The following TMEM127 variants were observed in gnomAD, a reference collection of about 807,000 sequenced individuals.
The protein encoded by TMEM127 is transmembrane protein 127.
TMEM127 carries 21 observed loss-of-function variants against 20.1 expected under a neutral mutation model. That is an observed-to-expected ratio of 1.04 (90% CI 0.74 to 1.50). TMEM127 has a LOEUF of 1.50. Among genes scored for constraint, TMEM127 ranks in the 40% most tolerant of loss-of-function variants. The pLI, the probability that TMEM127 is intolerant of heterozygous loss-of-function variation, is 0.00. For missense variants in TMEM127, 303 were observed against 317.4 expected (o/e 0.95, Z 0.34); for synonymous variants, 150 against 144.7 (o/e 1.04, Z -0.26).
chr2:96,255,088 A>G (rs1558752680), intron 2 of TMEM127, 91 bp from the exon 3 acceptor site: 1 of 1,546,174 alleles, frequency 6.5e-7, no homozygotes, highest in East Asian at 2.4e-5. Context: ...CCTCCACCAC[A>G]GTCCTGGGAG....
intron 2 of TMEM127, among the ~76,000 whole-genome samples, chr2:96,260,127 T>C (rs1684285958): frequency 1.3e-5 from 2 of 152,216 alleles, no homozygotes; most frequent in African/African-American, 4.8e-5. Flanking sequence ...AAATATGAAA[T>C]TCCCTTTGGG....
chr2:96,257,719 G>C (rs941006998), intron 2 of TMEM127, among the ~76,000 whole-genome samples: 3 of 152,142 alleles, frequency 2.0e-5, no homozygotes, highest in Non-Finnish European at 4.4e-5. Context: ...TTTGAGACCA[G>C]CCTGACCAAT....
Position 96,249,523 on chromosome 2 carries a change from G to A in TMEM127, c.*4285C>T, listed in dbSNP as rs976022693. The A allele has an allele frequency of 1.8e-5, 4 of 228,354 alleles. No homozygotes were observed. The highest frequency in any genetic ancestry group is 8.9e-5 in the African/African-American group (4 of 45,078). The allele number at this position is 228,354 out of a possible 1,614,324, so 14.1% of individuals were successfully genotyped here. On this transcript the variant is annotated 3_prime_UTR_variant, in exon 4 of 4. Transcript: ENST00000258439. ...CCTGTAATCCCAACCCTTTGGGAAG[G>A]GAGGCAGAAGGATTGCCTGAAGCCA...
rs1684113660 is a variant in TMEM127 at position 96,252,486 on chromosome 2, C to T, written c.*1322G>A. 1 of 233,858 alleles carries T rather than the reference C, an allele frequency of 4.3e-6. No individual in the cohort carries two copies. Among genetic ancestry groups the T allele is most frequent in the East Asian group, 6.0e-5 (1 of 16,594 alleles). 14.5% of individuals were successfully genotyped at this position (233,858 alleles called of 1,614,324 possible). On this transcript the variant is annotated 3_prime_UTR_variant, in exon 4 of 4. Coordinates refer to ENST00000258439, the MANE Select transcript of TMEM127 (RefSeq NM_017849.4). This position sits in a 1 kb window ranked among gnomAD's most constrained non-coding sequence, Gnocchi z 4.2. Reference sequence around the variant, plus strand: ...GCCAGACCCAGAGCAAACAAGGTGACCAGAGTGATGGCTGAGCAAGAAAGT... The same window carrying T: ...GCCAGACCCAGAGCAAACAAGGTGATCAGAGTGATGGCTGAGCAAGAAAGT...
rs61096003 is a variant in TMEM127 at position 96,257,322 on chromosome 2, C to T, written c.245-2325G>A. ...ACTAAAAATACAAAAATTAGCCGGCCGTGGTGGCGCGCGCCTGTAGTCCCA... is the reference window on the plus strand; with the variant it reads ...ACTAAAAATACAAAAATTAGCCGGCTGTGGTGGCGCGCGCCTGTAGTCCCA... On this transcript the variant is annotated intron_variant, in intron 2 of 3. Transcript: ENST00000258439. Among the ~76,000 whole-genome samples the T allele has an allele frequency of 1.9e-3, 291 of 151,884 alleles. 5 individuals carry two copies. The East Asian group carries it at 0.035, about 18-fold the overall frequency.
Position 96,249,202 on chromosome 2 carries a change from A to G in TMEM127, c.*4606T>C. 1 of 210,278 alleles carries G rather than the reference A, an allele frequency of 4.8e-6. No homozygotes were observed. The highest frequency in any genetic ancestry group is 9.6e-6 in the Non-Finnish European group (1 of 103,722). 13.0% of individuals were successfully genotyped at this position (210,278 alleles called of 1,614,324 possible). A position where few individuals can be genotyped will look rare whatever the true frequency, so the allele number is the denominator to read the frequency against. ...AACCTCTGCCTCCCGGGTTCAAGTG[A>G]TTCTCCTGCCTCAGCCTCCCGAGTA... On this transcript the variant is annotated 3_prime_UTR_variant, in exon 4 of 4. Coordinates refer to ENST00000258439, the MANE Select transcript of TMEM127 (RefSeq NM_017849.4).
chr2:96,257,199 C>T (rs374271555), intron 2 of TMEM127, among the ~76,000 whole-genome samples: 35 of 152,328 alleles, frequency 2.3e-4, no homozygotes, highest in East Asian at 1.2e-3. Flanking sequence ...CAGTGGCTCA[C>T]GCCTATAATC....
rs2104308876 is a variant in TMEM127, at chr2:96,265,423, G to A, written c.-42C>T. 7.6e-7 allele frequency: 1 copy of A among 1,322,836 alleles called. No individual in the cohort carries two copies. Among genetic ancestry groups the A allele is most frequent in the Non-Finnish European group, 9.6e-7 (1 of 1,042,832 alleles). The allele number at this position is 1,322,836 out of a possible 1,614,324, so 81.9% of individuals were successfully genotyped here. ...CGTCGCTCCGCAGTCGCTGCTGGTC[G>A]CCGCCGACCTCCGCGGGGCGCGCAG... On this transcript the variant is annotated 5_prime_UTR_variant, in exon 2 of 4. Transcript: ENST00000258439.
Position 96,253,609 on chromosome 2 carries a change from T to C in TMEM127, c.*199A>G, listed in dbSNP as rs988751824. 1.6e-6 allele frequency: 1 copy of C among 614,372 alleles called. No individual in the cohort carries two copies. The highest frequency in any genetic ancestry group is 2.8e-6 in the Non-Finnish European group (1 of 353,650). The allele number at this position is 614,372 out of a possible 1,614,324, so 38.1% of individuals were successfully genotyped here. On this transcript the variant is annotated 3_prime_UTR_variant, in exon 4 of 4. Coordinates refer to ENST00000258439, the MANE Select transcript of TMEM127 (RefSeq NM_017849.4). The surrounding 1 kb of genome is among the most constrained non-coding windows in gnomAD (Gnocchi z 4.3). ...GTGGCAGGAGGGAAAGAGTACATTA[T>C]AGAAAACCAGTGGACCTCCGGTTCT... is the stretch of plus-strand genomic sequence containing the variant.
chr2:96,265,250 C>A lies in TMEM127; in HGVS notation c.132G>T (p.Leu44=). 1.9e-6 allele frequency: 3 copies of A among 1,593,508 alleles called. No homozygotes were observed. Among genetic ancestry groups the A allele is most frequent in the Non-Finnish European group, 2.6e-6 (3 of 1,174,164 alleles). The part of the protein sequence containing the change: ...ALPGALSITA[L]CTALAEPAWL... ...AGGCGGGCTCGGCGAGGGCAGTGCA[C>A]AGCGCCGTGATAGACAGGGCGCCAG... The change falls in exon 2 of 4, where the codon CTG becomes CTT. Residue 44 remains leucine (L), a synonymous_variant. Transcript: ENST00000258439.
rs767998296 is a variant in TMEM127, at chr2:96,252,500, G to A, written c.*1308C>T. ...AAACAAGGTGACCAGAGTGATGGCT[G>A]AGCAAGAAAGTCCCAGCAGCACACT... On this transcript the variant is annotated 3_prime_UTR_variant, in exon 4 of 4. Transcript: ENST00000258439. This position sits in a 1 kb window ranked among gnomAD's most constrained non-coding sequence, Gnocchi z 4.2. 17 of 233,756 alleles carry A rather than the reference G, an allele frequency of 7.3e-5. No homozygotes were observed. Among genetic ancestry groups the A allele is most frequent in the Non-Finnish European group, 1.1e-4 (13 of 118,162 alleles). The allele number at this position is 233,756 out of a possible 1,614,324, so 14.5% of individuals were successfully genotyped here. A position where few individuals can be genotyped will look rare whatever the true frequency, so the allele number is the denominator to read the frequency against.
At chr2:96,254,743 A>T in intron 3 of TMEM127, 90 bp downstream of exon 3, 1 of 1,536,182 alleles carries the variant, frequency 6.5e-7, no homozygotes, top group South Asian at 1.1e-5. Context: ...GTGCCTGCTC[A>T]GAGAAACCAG....
At position 96,250,203 on chromosome 2, in the gene TMEM127, G is replaced by C. The variant is rs998708233; in HGVS notation, c.*3605C>G. 5 of 233,206 alleles carry C rather than the reference G, an allele frequency of 2.1e-5. No individual in the cohort carries two copies. The highest frequency in any genetic ancestry group is 3.4e-5 in the Non-Finnish European group (4 of 118,110). The allele number at this position is 233,206 out of a possible 1,614,324, so 14.4% of individuals were successfully genotyped here. ...CCTTCCTGGGCTCCTTCTGCTGTTA[G>C]TGCCTTAAATGAGCACCCCTCACCT... On this transcript the variant is annotated 3_prime_UTR_variant, in exon 4 of 4. Transcript: ENST00000258439.
chr2:96,263,422 G>C lies in TMEM127; in HGVS notation c.244+1716C>G, dbSNP rs181184213. Among the ~76,000 whole-genome samples, 481 of 150,864 alleles carry C rather than the reference G, an allele frequency of 3.2e-3. 21 individuals are homozygous for C. In the East Asian group the frequency reaches 0.083, roughly 26 times the overall value. On this transcript the variant is annotated intron_variant, in intron 2 of 3. Transcript: ENST00000258439. ...TTGTTGCCCAGGCTGGAGCGCAATGGCGCGATCTCAGCTCACTGCAACCTC... is the reference window on the plus strand; with the variant it reads ...TTGTTGCCCAGGCTGGAGCGCAATGCCGCGATCTCAGCTCACTGCAACCTC...
chr2:96,263,426 G>A (rs560561870), intron 2 of TMEM127, among the ~76,000 whole-genome samples: 12 of 149,832 alleles, frequency 8.0e-5, no homozygotes, highest in South Asian at 2.1e-4. Flanking sequence ...GCAATGGCGC[G>A]ATCTCAGCTC....
Position 96,254,927 on chromosome 2 carries a change from C to G in TMEM127, c.315G>C (p.Leu105=), listed in dbSNP as rs1440094325. 1 of 1,614,246 alleles carries G rather than the reference C, an allele frequency of 6.2e-7. No homozygotes were observed. The highest frequency in any genetic ancestry group is 8.5e-7 in the Non-Finnish European group (1 of 1,180,040). ...CCAGAAGGAAAGCGGAGAGACTACA[C>G]AGGATGCCCAGGAAACAGAAGGCGG... ...VIAAFCFLGI[L]CSLSAFLLDV... The change falls in exon 3 of 4, where the codon CTG becomes CTC. Residue 105 remains leucine, a synonymous_variant. Coordinates refer to ENST00000258439, the MANE Select transcript of TMEM127 (RefSeq NM_017849.4).
rs191254055 is a variant in TMEM127, at chr2:96,250,753, T to C, written c.*3055A>G. 4.3e-6 allele frequency: 1 copy of C among 232,964 alleles called. No homozygotes were observed. Among genetic ancestry groups the C allele is most frequent in the Admixed American group, 5.6e-5 (1 of 17,780 alleles). The allele number at this position is 232,964 out of a possible 1,614,324, so 14.4% of individuals were successfully genotyped here. A position where few individuals can be genotyped will look rare whatever the true frequency, so the allele number is the denominator to read the frequency against. Reference sequence around the variant, plus strand: ...AACGTGGGCAATCAAGGCCTGGCACTGCCCTACAGGAGGCTTACAGGTCAC... The same window carrying C: ...AACGTGGGCAATCAAGGCCTGGCACCGCCCTACAGGAGGCTTACAGGTCAC... On this transcript the variant is annotated 3_prime_UTR_variant, in exon 4 of 4. Coordinates refer to ENST00000258439, the MANE Select transcript of TMEM127 (RefSeq NM_017849.4).
At chr2:96,261,990 G>A (rs1573975422) in intron 2 of TMEM127, among the ~76,000 whole-genome samples, 2 of 152,190 alleles carry the variant, frequency 1.3e-5, no homozygotes. Context: ...GCCAGGAGCG[G>A]TGGCTCATGC....
intron 2 of TMEM127, among the ~76,000 whole-genome samples, chr2:96,260,094 C>T (rs970975324): frequency 6.6e-6 from 1 of 152,252 alleles, no homozygotes; most frequent in African/African-American, 2.4e-5. Context: ...TGTGAGTAAA[C>T]CCTCAGGGTT....
Sources: gnomAD v4.1 joint callset for allele counts (sites outside exome capture counted in the v4.1 genomes callset) on GRCh38, gnomAD v4.1.1 for gene constraint, Gnocchi (gnomAD v3.1) non-coding constraint, MANE v1.5 for transcripts, NCBI Gene and HGNC (gene_info 2026-07-23, HGNC 2026-07-21) for gene names.